The following DPP10 variants were observed in gnomAD, a reference collection of about 807,000 sequenced individuals.
DPP10 encodes inactive dipeptidyl peptidase 10.
A neutral mutation model predicts 120.9 loss-of-function variants in DPP10; 33 were observed. The ratio of observed to expected loss-of-function variants is 0.27; its 90% CI spans 0.21 to 0.37. The LOEUF (loss-of-function observed/expected upper bound fraction) is 0.37, where lower values mean the gene tolerates loss of function less well. Among genes scored for constraint, DPP10 ranks in the 10% least tolerant of loss-of-function variants. The pLI, the probability that DPP10 is intolerant of heterozygous loss-of-function variation, is 1.00. For missense variants in DPP10, 816 were observed against 942.8 expected, an observed-to-expected ratio of 0.87 and a Z score of 1.76; for synonymous variants, 337 against 326.1, an observed-to-expected ratio of 1.03 and a Z score of -0.36.
At chr2:115,776,464 A>G (rs368034934) in intron 13 of DPP10, among the ~76,000 whole-genome samples, 1 of 152,080 alleles carries the variant, frequency 6.6e-6, no homozygotes, top group African/African-American at 2.4e-5. Context: ...TTACGGCTGC[A>G]TAGTAGTCCA....
rs571821719 is a variant in DPP10 at position 115,524,379 on chromosome 2, A to T, written c.367-1519A>T. Among the ~76,000 whole-genome samples the T allele has an allele frequency of 3.4e-4, 52 of 152,208 alleles. No homozygotes were observed. In the South Asian group the frequency reaches 0.01, roughly 30 times the overall value. The stretch of plus-strand genomic sequence containing the variant: ...TCTTATGAGTAGCAGTTTATTGTAG[A>T]GGGTACAAATGAACAGCTAGATGAA... On this transcript the variant is annotated intron_variant, in intron 4 of 25. Coordinates refer to ENST00000410059, the MANE Select transcript of DPP10 (RefSeq NM_020868.6).
chr2:114,965,987 A>G (rs953717313), intron 1 of DPP10, among the ~76,000 whole-genome samples: 4 of 140,276 alleles, frequency 2.9e-5, no homozygotes, highest in African/African-American at 5.3e-5. Context: ...AAAAAAAAAA[A>G]GAAAAAAAAA....
At chr2:114,557,760 C>T (rs1688441571) in intron 1 of DPP10, among the ~76,000 whole-genome samples, 2 of 151,998 alleles carry the variant, frequency 1.3e-5, no homozygotes, top group African/African-American at 4.8e-5. Flanking sequence ...CTAGCTGAAA[C>T]AATGAAAGGA....
At chr2:115,437,618 G>T (rs2071612968) in intron 3 of DPP10, among the ~76,000 whole-genome samples, 1 of 152,038 alleles carries the variant, frequency 6.6e-6, no homozygotes, top group African/African-American at 2.4e-5. Context: ...GAAAAACGAT[G>T]CTGGATAGGA....
At chr2:115,169,783 A>T (rs2053178978) in intron 1 of DPP10, among the ~76,000 whole-genome samples, 1 of 152,206 alleles carries the variant, frequency 6.6e-6, no homozygotes, top group Non-Finnish European at 1.5e-5. Flanking sequence ...TGTATTATCT[A>T]ACTTTAATAT....
chr2:115,086,296 C>A (rs1240637212), intron 1 of DPP10, among the ~76,000 whole-genome samples: 1 of 152,108 alleles, frequency 6.6e-6, no homozygotes, highest in African/African-American at 2.4e-5. Flanking sequence ...TTATCTTAAC[C>A]CGAATATTTC....
At chr2:115,721,599 A>T (rs1416833950) in intron 7 of DPP10, among the ~76,000 whole-genome samples, 2 of 114,640 alleles carry the variant, frequency 1.7e-5, no homozygotes, top group African/African-American at 5.5e-5. Flanking sequence ...CAGCTATTAT[A>T]AAAAAAAAAG....
intron 3 of DPP10, among the ~76,000 whole-genome samples, chr2:115,386,389 A>G (rs561849210): frequency 1.3e-5 from 2 of 152,272 alleles, no homozygotes; most frequent in Non-Finnish European, 2.9e-5. Flanking sequence ...TACCTGTGAG[A>G]GCACTCAGTG....
intron 1 of DPP10, among the ~76,000 whole-genome samples, chr2:115,183,055 A>T (rs2054186302): frequency 6.6e-6 from 1 of 152,114 alleles, no homozygotes; most frequent in Admixed American, 6.5e-5. Context: ...ACACATGCAC[A>T]CAGAGGCACG....
chr2:114,679,921 G>A (rs551470760), intron 1 of DPP10, among the ~76,000 whole-genome samples: 8 of 152,116 alleles, frequency 5.3e-5, no homozygotes, highest in Non-Finnish European at 8.8e-5. Context: ...GTATTCAAAT[G>A]TGTTGACAAA....
chr2:114,850,405 T>C (rs1203614497), intron 1 of DPP10, among the ~76,000 whole-genome samples: 1 of 152,164 alleles, frequency 6.6e-6, no homozygotes, highest in Non-Finnish European at 1.5e-5. Context: ...TTCTTTCTTT[T>C]CATGGAAAAA....
chr2:114,464,631 T>C (rs1679199189), intron 1 of DPP10, among the ~76,000 whole-genome samples: 1 of 152,202 alleles, frequency 6.6e-6, no homozygotes, highest in South Asian at 2.1e-4. Context: ...TTTTTGTCCA[T>C]GGTTATATCC....
At chr2:114,596,928 A>G (rs569803504) in intron 1 of DPP10, among the ~76,000 whole-genome samples, 3 of 152,192 alleles carry the variant, frequency 2.0e-5, no homozygotes, top group African/African-American at 4.8e-5. Flanking sequence ...ATATGTAGCC[A>G]TTGTCCTAGT....
intron 1 of DPP10, among the ~76,000 whole-genome samples, chr2:115,200,175 A>G (rs1441992928): frequency 6.6e-6 from 1 of 152,186 alleles, no homozygotes; most frequent in Non-Finnish European, 1.5e-5. Context: ...TGCCTTTTCC[A>G]GCTGAACTCT....
intron 2 of DPP10, 93 bp downstream of exon 2, chr2:115,309,446 C>T (rs2061493068): frequency 4.2e-6 from 5 of 1,199,924 alleles, no homozygotes; most frequent in Non-Finnish European, 3.6e-6. Flanking sequence ...TATGTGGTAT[C>T]TTAGGGCACA....
intron 7 of DPP10, among the ~76,000 whole-genome samples, chr2:115,715,388 A>T (rs1035782347): frequency 1.3e-5 from 2 of 151,274 alleles, no homozygotes; most frequent in Non-Finnish European, 2.9e-5. Flanking sequence ...AGAAAAATCT[A>T]CTGGAACTTG....
intron 1 of DPP10, among the ~76,000 whole-genome samples, chr2:115,270,107 CACACACAG>C (rs770171507): frequency 6.2e-5 from 9 of 144,268 alleles, no homozygotes; most frequent in Admixed American, 1.4e-4. Context: ...CACACACACA[CACACACAG>C]ACACACACAC....
intron 21 of DPP10, among the ~76,000 whole-genome samples, chr2:115,821,912 A>G (rs7588496): frequency 6.6e-6 from 1 of 152,042 alleles, no homozygotes; most frequent in Non-Finnish European, 1.5e-5. Context: ...TAAGTCACAT[A>G]GTAATTCCAT....
intron 1 of DPP10, among the ~76,000 whole-genome samples, chr2:114,489,386 G>A (rs1266447899): frequency 6.6e-6 from 1 of 152,162 alleles, no homozygotes; most frequent in African/African-American, 2.4e-5. Context: ...ACCACATGCG[G>A]ATGAGCAGAA....
Sources: allele counts gnomAD v4.1 joint callset (sites outside exome capture counted in the v4.1 genomes callset), GRCh38; gene constraint gnomAD v4.1.1; transcripts MANE v1.5; gene names NCBI Gene and HGNC (gene_info 2026-07-23, HGNC 2026-07-21).